The following PIK3C2G variants were observed in gnomAD, a reference collection of about 807,000 sequenced individuals.
PIK3C2G encodes the protein phosphatidylinositol 3-kinase C2 domain-containing subunit gamma.
PIK3C2G carries 168 observed loss-of-function variants against 181.1 expected under a neutral mutation model. The observed-to-expected ratio is 0.93, with a 90% CI of 0.82 to 1.05. The LOEUF is 1.05. Ranked by LOEUF, PIK3C2G falls within the 50% of genes least tolerant of loss-of-function variation. The pLI, the probability that PIK3C2G is intolerant of heterozygous loss-of-function variation, is 0.00. For missense variants in PIK3C2G, 1,869 were observed against 1,732.8 expected, an observed-to-expected ratio of 1.08 and a Z score of -1.40; for synonymous variants, 573 against 592.2, an observed-to-expected ratio of 0.97 and a Z score of 0.47.
At chr12:18,595,624 CTCTT>C (rs1252424698) in intron 30 of PIK3C2G, among the ~76,000 whole-genome samples, 5 of 152,088 alleles carry the variant, frequency 3.3e-5, no homozygotes, top group African/African-American at 4.8e-5. Flanking sequence ...TCAATCATCT[CTCTT>C]CTCTAGTTAA....
At chr12:18,563,573 G>A in intron 28 of PIK3C2G, 75 bp downstream of exon 28, 1 of 1,413,876 alleles carries the variant, frequency 7.1e-7, no homozygotes. Flanking sequence ...ATGGTTATGG[G>A]ATTTTCTATT....
chr12:18,269,897 C>CT (rs1237092118), intron 1 of PIK3C2G, among the ~76,000 whole-genome samples: 2 of 135,300 alleles, frequency 1.5e-5, no homozygotes, highest in African/African-American at 2.6e-5. Context: ...ACCCTTTTTT[C>CT]TTTTTTTTTC....
chr12:18,570,411 G>C (rs754893289), intron 29 of PIK3C2G, among the ~76,000 whole-genome samples: 10 of 149,690 alleles, frequency 6.7e-5, no homozygotes, highest in Non-Finnish European at 1.3e-4. Context: ...GTTTTGCCAT[G>C]TTAGCCAGGC....
chr12:18,384,630 T>C (rs1488357674), intron 14 of PIK3C2G, among the ~76,000 whole-genome samples: 2 of 152,216 alleles, frequency 1.3e-5, no homozygotes, highest in Admixed American at 1.3e-4. Context: ...GATGAGACTA[T>C]CCTTGATTCT....
intron 17 of PIK3C2G, among the ~76,000 whole-genome samples, chr12:18,422,876 T>TA (rs1259889486): frequency 6.6e-6 from 1 of 152,100 alleles, no homozygotes; most frequent in African/African-American, 2.4e-5. Context: ...ACGTGAATGA[T>TA]AGAGTGCCAT....
chr12:18,430,035 C>T (rs1228541130), intron 18 of PIK3C2G, among the ~76,000 whole-genome samples: 1 of 152,194 alleles, frequency 6.6e-6, no homozygotes, highest in Non-Finnish European at 1.5e-5. Flanking sequence ...CCTTTCCCTT[C>T]CCTATAATTC....
At chr12:18,404,712 T>C (rs565292120) in intron 16 of PIK3C2G, among the ~76,000 whole-genome samples, 7 of 152,076 alleles carry the variant, frequency 4.6e-5, no homozygotes, top group Non-Finnish European at 5.9e-5. Context: ...GAAACAAAGT[T>C]GAAAATGGTG....
intron 13 of PIK3C2G, among the ~76,000 whole-genome samples, chr12:18,375,680 G>T (rs1483893230): frequency 6.6e-6 from 1 of 152,194 alleles, no homozygotes; most frequent in Admixed American, 6.5e-5. Context: ...ATGTGAAAAA[G>T]GTCTCAAAGG....
chr12:18,395,374 A>C (rs1260138752), intron 15 of PIK3C2G, among the ~76,000 whole-genome samples: 1 of 151,160 alleles, frequency 6.6e-6, no homozygotes, highest in Non-Finnish European at 1.5e-5. Context: ...TTTGTGTTAA[A>C]GATGAAAACA....
At chr12:18,286,431 C>T (rs1403670343) in intron 2 of PIK3C2G, among the ~76,000 whole-genome samples, 2 of 151,886 alleles carry the variant, frequency 1.3e-5, no homozygotes, top group African/African-American at 4.8e-5. Flanking sequence ...AATGATAAAC[C>T]TTTGATATGT....
At chr12:18,536,408 T>C (rs1592520814) in intron 24 of PIK3C2G, among the ~76,000 whole-genome samples, 1 of 152,098 alleles carries the variant, frequency 6.6e-6, no homozygotes, top group East Asian at 1.9e-4. Flanking sequence ...AGTGCTCTTA[T>C]CTCCATTTTA....
chr12:18,388,484 AG>A (rs1943322605), intron 14 of PIK3C2G, among the ~76,000 whole-genome samples: 1 of 152,166 alleles, frequency 6.6e-6, no homozygotes, highest in Non-Finnish European at 1.5e-5. Context: ...CATGTTGGCC[AG>A]GCTGGTCTTG....
chr12:18,655,011 T>C, the PIK3C2G span, among the ~76,000 whole-genome samples: 1 of 151,456 alleles, frequency 6.6e-6, no homozygotes, highest in East Asian at 2.0e-4. Context: ...TAAAAAGTTA[T>C]AAACCCAGCC....
At chr12:18,660,802 G>GA in the PIK3C2G span, among the ~76,000 whole-genome samples, 4 of 151,876 alleles carry the variant, frequency 2.6e-5, no homozygotes, top group Non-Finnish European at 4.4e-5. Flanking sequence ...TCATTCAAAG[G>GA]AAAAAATAAA....
chr12:18,649,237 T>C (rs901215199), downstream of PIK3C2G, among the ~76,000 whole-genome samples: 1 of 152,050 alleles, frequency 6.6e-6, no homozygotes, highest in African/African-American at 2.4e-5. Flanking sequence ...TTAGAATCAG[T>C]AAAAAGAAAC....
In PIK3C2G at chr12:18,339,442, GAATT is replaced by G. The variant is rs201257722; in HGVS notation, c.1395+898_1395+901del. ...CACTTACAGTGTGTGTGTGTACAGAGAATTAATAAGTGGCAAAATACAGATTTGA... is the reference window on the plus strand; with the variant it reads ...CACTTACAGTGTGTGTGTGTACAGAGAATAAGTGGCAAAATACAGATTTGA... On this transcript the variant is annotated intron_variant, in intron 9 of 32. Coordinates refer to ENST00000538779, the MANE Select transcript of PIK3C2G (RefSeq NM_001288772.2). 5.7e-3 allele frequency among the ~76,000 whole-genome samples: 871 copies of G among 152,146 alleles called. 15 individuals carry two copies. Among genetic ancestry groups the G allele is most frequent in the East Asian group, 0.028 (142 of 5,158 alleles).
At chr12:18,436,270 T>C (rs1565720686) in intron 18 of PIK3C2G, among the ~76,000 whole-genome samples, 1 of 152,056 alleles carries the variant, frequency 6.6e-6, no homozygotes, top group Non-Finnish European at 1.5e-5. Flanking sequence ...TAGAAAATTT[T>C]TCCATAAACC....
In PIK3C2G at chr12:18,309,883, G is replaced by T. The variant is rs142712755; in HGVS notation, c.1035-4079G>T. ...AAGTATATTATGCCCACGCACTTTT[G>T]CTTCTGTAAGTTGAGTTGTAAACGT... On this transcript the variant is annotated intron_variant, in intron 5 of 32. Coordinates refer to ENST00000538779, the MANE Select transcript of PIK3C2G (RefSeq NM_001288772.2). 8.8e-3 allele frequency among the ~76,000 whole-genome samples: 1,336 copies of T among 151,794 alleles called. 17 individuals are homozygous for T. Among genetic ancestry groups the T allele is most frequent in the African/African-American group, 0.03 (1,240 of 41,484 alleles).
chr12:18,274,761 A>G (rs1948908514), intron 1 of PIK3C2G, among the ~76,000 whole-genome samples: 1 of 152,114 alleles, frequency 6.6e-6, no homozygotes, highest in Admixed American at 6.6e-5. Flanking sequence ...TATGTAACAA[A>G]CCTGCACGTT....
Sources: gnomAD v4.1 joint callset for allele counts (sites outside exome capture counted in the v4.1 genomes callset) on GRCh38, gnomAD v4.1.1 for gene constraint, MANE v1.5 for transcripts, NCBI Gene and HGNC (gene_info 2026-07-23, HGNC 2026-07-21) for gene names.